The following HNF4G variants were observed in gnomAD, a reference collection of about 807,000 sequenced individuals.
HNF4G encodes the protein hepatocyte nuclear factor 4-gamma.
HNF4G carries 21 observed loss-of-function variants against 50.9 expected under a neutral mutation model. The ratio of observed to expected loss-of-function variants is 0.41; its 90% confidence interval spans 0.29 to 0.59. HNF4G has a LOEUF of 0.59. HNF4G is among the 20% of genes least tolerant of loss of function. The pLI is 0.26. For synonymous variants in HNF4G, 198 were observed against 185.6 expected, an observed-to-expected ratio of 1.07 and a Z score of -0.54; for missense variants, 527 against 559.4, an observed-to-expected ratio of 0.94 and a Z score of 0.58.
intron 1 of HNF4G, among the ~76,000 whole-genome samples, chr8:75,468,067 C>T (rs1002793579): frequency 6.6e-6 from 1 of 152,132 alleles, no homozygotes; most frequent in South Asian, 2.1e-4. Context: ...ATAATTATAT[C>T]ATTGCAATAG....
intron 2 of HNF4G, among the ~76,000 whole-genome samples, chr8:75,529,463 AAAT>A (rs1280441728): frequency 6.6e-6 from 1 of 152,178 alleles, no homozygotes; most frequent in Non-Finnish European, 1.5e-5. Context: ...TAGGCAAAAA[AAAT>A]GGGATATATC....
At position 75,524,095 on chromosome 8, in the gene HNF4G, C is replaced by T. The variant is rs1260070573; in HGVS notation, c.-23-19716C>T. ...TTGATAACGTTTACAACTATACACGCCTATGTATCCACAGATTAGGATTTA... is the reference window on the plus strand; with the variant it reads ...TTGATAACGTTTACAACTATACACGTCTATGTATCCACAGATTAGGATTTA... On this transcript the variant is annotated intron_variant, in intron 2 of 10. Coordinates refer to the HNF4G transcript ENST00000354370. 2.6e-5 allele frequency among the ~76,000 whole-genome samples: 4 copies of T among 151,880 alleles called. No homozygotes were observed. The South Asian group carries it at 8.3e-4, about 32-fold the overall frequency.
chr8:75,554,665 A>G (rs1398186711), intron 5 of HNF4G, among the ~76,000 whole-genome samples: 2 of 152,178 alleles, frequency 1.3e-5, no homozygotes, highest in African/African-American at 2.4e-5. Context: ...GTGGGTATTT[A>G]GCAGTAAAAA....
chr8:75,540,600 A>G (rs1001593799), intron 1 of HNF4G, among the ~76,000 whole-genome samples: 3 of 152,148 alleles, frequency 2.0e-5, no homozygotes, highest in Non-Finnish European at 4.4e-5. Context: ...ATGAAAGGGA[A>G]TAAGGCTTGT....
intron 1 of HNF4G, among the ~76,000 whole-genome samples, chr8:75,468,655 C>T (rs1812046928): frequency 6.6e-6 from 1 of 151,928 alleles, no homozygotes; most frequent in Admixed American, 6.6e-5. Context: ...GATCATGCCA[C>T]TGCACTCCAG....
upstream of HNF4G, among the ~76,000 whole-genome samples, chr8:75,538,808 G>A (rs1321860928): frequency 6.6e-6 from 1 of 152,140 alleles, no homozygotes; most frequent in Non-Finnish European, 1.5e-5. Context: ...TTTACAGTTT[G>A]TCACATGGTT....
chr8:75,481,327 G>C (rs1453639334), intron 1 of HNF4G, among the ~76,000 whole-genome samples: 1 of 152,006 alleles, frequency 6.6e-6, no homozygotes, highest in African/African-American at 2.4e-5. Context: ...TCCACTTCTG[G>C]AACTGCCTTA....
chr8:75,423,822 T>C (rs1318526551), intron 1 of HNF4G, among the ~76,000 whole-genome samples: 1 of 117,832 alleles, frequency 8.5e-6, no homozygotes, highest in African/African-American at 3.4e-5. Flanking sequence ...TTTCTTTTTT[T>C]TTTTTTTTTT....
rs1812973207 is a variant in HNF4G at position 75,503,057 on chromosome 8, A to AG, written c.-24+12851dup. 2.0e-5 allele frequency among the ~76,000 whole-genome samples: 3 copies of AG among 152,338 alleles called. No individual in the cohort carries two copies. In the South Asian group the frequency reaches 6.2e-4, roughly 32 times the overall value. ...ATCTACAAAATTGTGAGATATTATT[A>AG]GGAAGGGCAGCAGGGGGTTCTGGAA... On this transcript the variant is annotated intron_variant, in intron 2 of 10. Transcript: ENST00000354370.
chr8:75,515,528 A>T (rs1805865562), intron 2 of HNF4G, among the ~76,000 whole-genome samples: 1 of 152,148 alleles, frequency 6.6e-6, no homozygotes, highest in African/African-American at 2.4e-5. Context: ...AACTAGTGTG[A>T]TTTAGTCCAG....
chr8:75,434,163 C>T (rs1811083018), intron 1 of HNF4G, among the ~76,000 whole-genome samples: 2 of 151,716 alleles, frequency 1.3e-5, no homozygotes, highest in African/African-American at 4.8e-5. Context: ...GCCACCCCAC[C>T]CGGCTAATTT....
chr8:75,510,729 T>A (rs1284679337), intron 2 of HNF4G, among the ~76,000 whole-genome samples: 1 of 152,178 alleles, frequency 6.6e-6, no homozygotes, highest in Admixed American at 6.5e-5. Context: ...GTAATTACAC[T>A]GTATGATGTT....
chr8:75,565,233 A>C lies in HNF4G; in HGVS notation c.*1137A>C, dbSNP rs1807427142. On this transcript the variant is annotated 3_prime_UTR_variant, in exon 10 of 10. Coordinates refer to ENST00000396423, the MANE Select transcript of HNF4G (RefSeq NM_004133.5). The stretch of plus-strand genomic sequence containing the variant: ...TTCTTACTCATAGTGTGGTTTTTAA[A>C]TATATGCAGTTGAGTGATGATTGGA... 1 of 152,172 alleles carries C rather than the reference A, an allele frequency of 6.6e-6. No homozygotes were observed. The highest frequency in any genetic ancestry group is 6.6e-5 in the Admixed American group (1 of 15,258). 9.4% of individuals were successfully genotyped at this position (152,172 alleles called of 1,614,324 possible).
chr8:75,511,034 T>C (rs1178433378), intron 2 of HNF4G, among the ~76,000 whole-genome samples: 2 of 152,128 alleles, frequency 1.3e-5, no homozygotes, highest in African/African-American at 2.4e-5. Context: ...ATATATTCTT[T>C]ATGGTTTGTG....
intron 1 of HNF4G, among the ~76,000 whole-genome samples, chr8:75,488,115 A>G (rs184578537): frequency 9.5e-4 from 144 of 152,308 alleles, no homozygotes; most frequent in African/African-American, 3.3e-3. Flanking sequence ...GTGGGGACAC[A>G]GACAAACCAT....
intron 1 of HNF4G, among the ~76,000 whole-genome samples, chr8:75,454,637 C>T (rs1051364843): frequency 1.4e-4 from 21 of 152,188 alleles, no homozygotes; most frequent in Non-Finnish European, 1.5e-5. Flanking sequence ...GGCCTCTTCT[C>T]CCTATTTGCT....
intron 1 of HNF4G, among the ~76,000 whole-genome samples, chr8:75,458,481 T>C (rs1811774399): frequency 6.6e-6 from 1 of 150,578 alleles, no homozygotes; most frequent in Non-Finnish European, 1.5e-5. Context: ...TTTTCCCAAA[T>C]GATACAGGGG....
intron 2 of HNF4G, among the ~76,000 whole-genome samples, chr8:75,523,918 GA>G (rs1302051279): frequency 6.6e-6 from 1 of 151,656 alleles, no homozygotes; most frequent in Admixed American, 6.6e-5. Flanking sequence ...GAAGTATAAT[GA>G]AAATATTTAC....
At chr8:75,533,652 C>A (rs1420184412) in intron 2 of HNF4G, among the ~76,000 whole-genome samples, 1 of 151,814 alleles carries the variant, frequency 6.6e-6, no homozygotes, top group East Asian at 1.9e-4. Context: ...GAGAAACCAA[C>A]CAACACTATT....
Sources: allele counts gnomAD v4.1 joint callset (sites outside exome capture counted in the v4.1 genomes callset), GRCh38; gene constraint gnomAD v4.1.1; transcripts MANE v1.5; gene names NCBI Gene and HGNC (gene_info 2026-07-23, HGNC 2026-07-21).